Variants in TOGARAM1 observed in about 807,000 individuals in gnomAD.
The protein encoded by TOGARAM1 is TOG array regulator of axonemal microtubules 1, also known as TOG array regulator of axonemal microtubules protein 1.
Under a neutral mutation model 166.6 loss-of-function variants are expected in TOGARAM1, and 100 were observed. The observed-to-expected ratio is 0.60, with a 90% CI of 0.51 to 0.71. The LOEUF is 0.71. Ranked by LOEUF, TOGARAM1 falls within the 30% of genes least tolerant of loss-of-function variation. TOGARAM1 has a pLI of 0.00. For missense variants in TOGARAM1, 2,029 were observed against 2,102.7 expected, an observed-to-expected ratio of 0.96 and a Z score of 0.69; for synonymous variants, 758 against 763.8, an observed-to-expected ratio of 0.99 and a Z score of 0.13.
At position 45,027,588 on chromosome 14, in the gene TOGARAM1, G is replaced by C. The variant is rs993201430; in HGVS notation, c.3504+114G>C. 10 of 847,568 alleles carry C rather than the reference G, an allele frequency of 1.2e-5. No individual in the cohort carries two copies. The African/African-American group carries it at 1.3e-4, about 11-fold the overall frequency. The allele number at this position is 847,568 out of a possible 1,614,324, so 52.5% of individuals were successfully genotyped here. A position where few individuals can be genotyped will look rare whatever the true frequency, so the allele number is the denominator to read the frequency against. On this transcript the variant is annotated intron_variant, in intron 9 of 19. Transcript: ENST00000361462. ...TTCAATTAAAATTTAAAAAATCTTA[G>C]TACAGTTGAAATTTTGAGCCTTGGC...
chr14:45,031,780 T>G (rs1467946146), intron 10 of TOGARAM1, among the ~76,000 whole-genome samples: 2 of 152,252 alleles, frequency 1.3e-5, no homozygotes, highest in African/African-American at 4.8e-5. Context: ...TACTGTAATT[T>G]TCCTCAAGAC....
intron 6 of TOGARAM1, among the ~76,000 whole-genome samples, chr14:45,011,277 A>T (rs1302933301): frequency 6.7e-6 from 1 of 149,874 alleles, no homozygotes; most frequent in African/African-American, 2.4e-5. Context: ...AAGGATAGGT[A>T]GTAGTTAGAT....
intron 16 of TOGARAM1, among the ~76,000 whole-genome samples, chr14:45,063,775 C>T (rs1594706015): frequency 1.3e-5 from 2 of 152,230 alleles, no homozygotes; most frequent in African/African-American, 4.8e-5. Flanking sequence ...ACTGGCTTCT[C>T]GCCCGACAAA....
intron 1 of TOGARAM1, among the ~76,000 whole-genome samples, chr14:44,974,291 G>A (rs1011370592): frequency 9.9e-5 from 15 of 151,672 alleles, no homozygotes; most frequent in African/African-American, 2.9e-4. Flanking sequence ...GTTTACTAAT[G>A]AGCCCATTAA....
At chr14:45,045,571 ATATATATATATATGTGTGTGTG>A (rs1183465454) in intron 13 of TOGARAM1, among the ~76,000 whole-genome samples, 3 of 40,774 alleles carry the variant, frequency 7.4e-5, no homozygotes, top group African/African-American at 1.4e-4. Context: ...ATATATATAT[ATATATATATATATGTGTGTGTG>A]TGTGTGTGTG....
intron 7 of TOGARAM1, among the ~76,000 whole-genome samples, chr14:45,014,705 T>G (rs1880012655): frequency 6.6e-6 from 1 of 152,222 alleles, no homozygotes; most frequent in South Asian, 2.1e-4. Flanking sequence ...TGCTAAATTT[T>G]CTGAATGATA....
Position 45,060,683 on chromosome 14 carries a change from T to C in TOGARAM1, c.4560-5895T>C, listed in dbSNP as rs371446321. 2.3e-3 allele frequency among the ~76,000 whole-genome samples: 354 copies of C among 152,364 alleles called. 4 individuals carry two copies. Among genetic ancestry groups the C allele is most frequent in the African/African-American group, 8.2e-3 (340 of 41,584 alleles). ...TTCTTAACATCTATTCAGAGCATACTGTGTGGGAGGCCTTTTCCAAACACT... is the reference window on the plus strand; with the variant it reads ...TTCTTAACATCTATTCAGAGCATACCGTGTGGGAGGCCTTTTCCAAACACT... On this transcript the variant is annotated intron_variant, in intron 16 of 19. Transcript: ENST00000361462.
chr14:44,978,439 G>A (rs1032278214), intron 1 of TOGARAM1: 1 of 152,202 alleles, frequency 6.6e-6, no homozygotes, highest in African/African-American at 2.4e-5. Flanking sequence ...AGACAAAAAT[G>A]TGAAGATTAA....
At position 45,009,132 on chromosome 14, in the gene TOGARAM1, G is replaced by A. The variant is rs1470836789; in HGVS notation, c.3124G>A (p.Gly1042Arg). The change falls in exon 6 of 20, where the codon GGG (glycine) becomes AGG (arginine). Residue 1042 changes from glycine (G) to arginine (R), a missense_variant. By Grantham distance (125) the Gly-to-Arg change is moderately radical (BLOSUM62 -2). Around this residue, in one of 2 missense-constraint regions of TOGARAM1, gnomAD observed 1,453 missense variants for 1,432.2 expected, o/e 1.01. Transcript: ENST00000361462. ...TTCTTCTCTGTCTACAACTCCCCAG[G>A]GGAAGAGAATAATGTATTTTATTTT... Reference protein sequence around the residue: ...LTSSLSTTPQGKRIMSDIFPT... With the variant: ...LTSSLSTTPQRKRIMSDIFPT... 1 of 1,611,024 alleles carries A rather than the reference G, an allele frequency of 6.2e-7. No homozygotes were observed. The highest frequency in any genetic ancestry group is 1.1e-5 in the South Asian group (1 of 90,896).
chr14:45,063,479 GTTTTTTTTTTT>G (rs373702236), intron 16 of TOGARAM1, among the ~76,000 whole-genome samples: 2 of 118,690 alleles, frequency 1.7e-5, no homozygotes, highest in Non-Finnish European at 3.4e-5. Context: ...ATTTGACAAA[GTTTTTTTTTTT>G]TTTTTTTTTT....
chr14:45,005,906 CT>C, intron 4 of TOGARAM1, 101 bp from the exon 5 acceptor site: 1 of 1,065,910 alleles, frequency 9.4e-7, no homozygotes, highest in Non-Finnish European at 1.3e-6. Context: ...CTATAATGTG[CT>C]TTTTTTATTT....
Position 45,028,289 on chromosome 14 carries a change from A to G in TOGARAM1, c.3618A>G (p.Glu1206=). ...DCEKKEKNSW[E]RMRHTGTEKM... ...AAAAGAAGGAAAAAAATTCCTGGGAACGAATGAGACATACAGGAACTGAGA... is the reference window on the plus strand; with the variant it reads ...AAAAGAAGGAAAAAAATTCCTGGGAGCGAATGAGACATACAGGAACTGAGA... The change falls in exon 10 of 20, where the codon GAA becomes GAG. Residue 1206 remains glutamate (E), a synonymous_variant. Coordinates refer to ENST00000361462, the MANE Select transcript of TOGARAM1 (RefSeq NM_001308120.2). 1 of 1,601,886 alleles carries G rather than the reference A, an allele frequency of 6.2e-7. No individual in the cohort carries two copies. The highest frequency in any genetic ancestry group is 8.5e-7 in the Non-Finnish European group (1 of 1,177,166).
In TOGARAM1 at chr14:45,057,431, TA is replaced by T. The variant is rs781460064; in HGVS notation, c.4559+2883del. Among the ~76,000 whole-genome samples the T allele has an allele frequency of 3.0e-4, 45 of 152,166 alleles. 1 individual carries two copies. Among genetic ancestry groups the T allele is most frequent in the African/African-American group, 1.1e-3 (44 of 41,556 alleles). ...GTGATCTTTTTACTTTTTTGTTGTT[TA>T]TTTTTTTTTATAGAGACAGGGTCTC... On this transcript the variant is annotated intron_variant, in intron 16 of 19. Coordinates refer to ENST00000361462, the MANE Select transcript of TOGARAM1 (RefSeq NM_001308120.2).
At position 45,027,463 on chromosome 14, in the gene TOGARAM1, A is replaced by T. The variant is rs767803239; in HGVS notation, c.3493A>T (p.Asn1165Tyr). The T allele has an allele frequency of 1.2e-6, 2 of 1,604,244 alleles. No homozygotes were observed. Among genetic ancestry groups the T allele is most frequent in the Non-Finnish European group, 1.7e-6 (2 of 1,175,732 alleles). The stretch of plus-strand genomic sequence containing the variant: ...TATTTCATCATATCTTGATGTTGAG[A>T]ATGAAAAAGATGTAAGGTTATTTGC... The part of the protein sequence containing the change: ...QNISSYLDVE[N>Y]EKDAKVSISK... The change falls in exon 9 of 20, where the codon AAT becomes TAT. Residue 1165 changes from asparagine to tyrosine, a missense_variant. By Grantham distance (143) the Asn-to-Tyr change is moderately radical (BLOSUM62 -2). Around this residue, in one of 2 missense-constraint regions of TOGARAM1, gnomAD observed 1,453 missense variants for 1,432.2 expected, o/e 1.01. Transcript: ENST00000361462.
chr14:45,011,984 A>G lies in TOGARAM1; in HGVS notation c.3147A>G (p.Ile1049Met), dbSNP rs761767787. Residue 1049 changes from isoleucine to methionine, a missense_variant, in exon 7 of 20, where the codon ATA becomes ATG. Coordinates refer to ENST00000361462, the MANE Select transcript of TOGARAM1 (RefSeq NM_001308120.2). ...TPQGKRIMSD[I>M]FPTFGSKPCP... Reference sequence around the variant, plus strand: ...CTTTGTTTCATTGCAGGTCAGACATATTTCCAACATTTGGGTCAAAACCTT... The same window carrying G: ...CTTTGTTTCATTGCAGGTCAGACATGTTTCCAACATTTGGGTCAAAACCTT... 1.4e-5 allele frequency: 23 copies of G among 1,601,768 alleles called. No individual in the cohort carries two copies. The South Asian group carries it at 1.8e-4, about 13-fold the overall frequency.
At chr14:45,055,831 C>T (rs1594698323) in intron 16 of TOGARAM1, among the ~76,000 whole-genome samples, 1 of 138,136 alleles carries the variant, frequency 7.2e-6, no homozygotes, top group African/African-American at 2.7e-5. Context: ...ATTGCTTTGG[C>T]TACTTGGGCT....
intron 5 of TOGARAM1, chr14:45,007,396 T>C (rs945173858): frequency 2.0e-5 from 3 of 151,794 alleles, no homozygotes; most frequent in Non-Finnish European, 4.4e-5. Context: ...GGAAGAAACA[T>C]ATAGAAAAGA....
chr14:44,968,596 G>C (rs1885693425), intron 1 of TOGARAM1, among the ~76,000 whole-genome samples: 1 of 152,186 alleles, frequency 6.6e-6, no homozygotes. Context: ...ACTTTCAACA[G>C]AGAGTACAGA....
chr14:44,999,184 C>T (rs1257169228), intron 2 of TOGARAM1, among the ~76,000 whole-genome samples, 179 bp from the exon 3 acceptor site: 1 of 152,180 alleles, frequency 6.6e-6, no homozygotes, highest in Non-Finnish European at 1.5e-5. Flanking sequence ...TTAATTCCTG[C>T]CACTAATCTG....
Sources: gnomAD v4.1 joint callset for allele counts (sites outside exome capture counted in the v4.1 genomes callset) on GRCh38, gnomAD v4.1.1 for gene constraint, gnomAD v4.1.1 regional missense constraint, MANE v1.5 for transcripts, NCBI Gene and HGNC (gene_info 2026-07-23, HGNC 2026-07-21) for gene names.